The following SOSTDC1 variants were observed in gnomAD, a reference collection of about 807,000 sequenced individuals.
SOSTDC1 encodes the protein sclerostin domain containing 1, also known as sclerostin domain-containing protein 1.
A neutral mutation model predicts 15.1 loss-of-function variants in SOSTDC1; 7 were observed. That is an observed-to-expected ratio of 0.46 (90% confidence interval 0.26 to 0.87). The LOEUF (loss-of-function observed/expected upper bound fraction) is 0.87. Among genes scored for constraint, SOSTDC1 ranks in the 40% least tolerant of loss-of-function variants. SOSTDC1 has a pLI of 0.15. For missense variants in SOSTDC1, 242 were observed against 259.2 expected (o/e 0.93, Z 0.46); for synonymous variants, 94 against 93.2 (o/e 1.01, Z -0.05).
At chr7:16,463,445 T>C (rs893629120) in intron 1 of SOSTDC1, among the ~76,000 whole-genome samples, 2 of 152,310 alleles carry the variant, frequency 1.3e-5, no homozygotes, top group South Asian at 4.2e-4. Context: ...CATTTAAATA[T>C]TGTGTATAAT....
intron 1 of SOSTDC1, among the ~76,000 whole-genome samples, chr7:16,464,675 T>TCTCTCTCTCTCTC: frequency 6.6e-6 from 1 of 150,394 alleles, no homozygotes; most frequent in African/African-American, 2.5e-5. Context: ...TCTCTCTCTC[T>TCTCTCTCTCTCTC]TAAAACCTGA....
At position 16,465,735 on chromosome 7, in the gene SOSTDC1, CTG is replaced by C; in HGVS notation, c.-69_-68del. On this transcript the variant is annotated 5_prime_UTR_variant, in exon 1 of 2. Coordinates refer to ENST00000307068, the MANE Select transcript of SOSTDC1 (RefSeq NM_015464.3). ...TTTTGCTTCTGCTTCTGCACTGTAACTGTGAAATTCCTCCTCAAGCTTCCCTT... is the reference window on the plus strand; with the variant it reads ...TTTTGCTTCTGCTTCTGCACTGTAACTGAAATTCCTCCTCAAGCTTCCCTT... 1.2e-5 allele frequency: 17 copies of C among 1,408,304 alleles called. No individual in the cohort carries two copies. The highest frequency in any genetic ancestry group is 1.7e-5 in the Non-Finnish European group (17 of 1,005,044). The allele number at this position is 1,408,304 out of a possible 1,614,324, so 87.2% of individuals were successfully genotyped here.
Position 16,465,445 on chromosome 7 carries a change from A to C in SOSTDC1, c.205+19T>G. 1 of 1,601,896 alleles carries C rather than the reference A, an allele frequency of 6.2e-7. No homozygotes were observed. Among genetic ancestry groups the C allele is most frequent in the Non-Finnish European group, 8.5e-7 (1 of 1,170,892 alleles). ...ACCAGAAAAGAAAAAAAAAAACTGT[A>C]CAAGTAAAACACACTTACTGTTCCG... On this transcript the variant is annotated intron_variant, in intron 1 of 1. Coordinates refer to ENST00000307068, the MANE Select transcript of SOSTDC1 (RefSeq NM_015464.3).
In SOSTDC1 at chr7:16,465,633, G is replaced by C. The variant is rs1332547126; in HGVS notation, c.36C>G (p.Pro12=). ...AGCTTTTCATTAGGATGCATGCAAG[G>C]GGAAGGAGATAGAAATGAATGGCAG... ...LPPAIHFYLL[P]LACILMKSCL... is the part of the protein sequence containing the mutation. The change falls in exon 1 of 2, where the codon CCC becomes CCG. Residue 12 remains proline, a synonymous_variant. Coordinates refer to ENST00000307068, the MANE Select transcript of SOSTDC1 (RefSeq NM_015464.3). The C allele has an allele frequency of 1.2e-6, 2 of 1,613,984 alleles. No individual in the cohort carries two copies. Among genetic ancestry groups the C allele is most frequent in the Non-Finnish European group, 1.7e-6 (2 of 1,179,982 alleles).
chr7:16,463,581 C>T lies in SOSTDC1; in HGVS notation c.206-618G>A, dbSNP rs540074612. ...ATAACTATGTTTTAAACATAAATTC[C>T]CAAACTATCTTTTAAAAAATACAAA... On this transcript the variant is annotated intron_variant, in intron 1 of 1. Transcript: ENST00000307068. Among the ~76,000 whole-genome samples, 3 of 152,110 alleles carry T rather than the reference C, an allele frequency of 2.0e-5. No individual in the cohort carries two copies. In the South Asian group the frequency reaches 6.2e-4, roughly 32 times the overall value.
At chr7:16,465,340 C>A in intron 1 of SOSTDC1, 124 bp downstream of exon 1, 1 of 807,110 alleles carries the variant, frequency 1.2e-6, no homozygotes, top group Non-Finnish European at 2.0e-6. Context: ...CAGCAGATTA[C>A]TCCCAAATTG....
Position 16,465,542 on chromosome 7 carries a change from G to C in SOSTDC1, c.127C>G (p.His43Asp). Residue 43 changes from histidine to aspartate, a missense_variant, in exon 1 of 2, where the codon CAC (histidine) becomes GAC (aspartate). By Grantham distance (81) the His-to-Asp change is moderately conservative. Transcript: ENST00000307068. ...YSHVVKPVPA[H>D]PSSNSTLNQA... ...TTCAACGTGCTGTTGCTGCTGGGGT[G>C]TGCTGGAACAGGTTTAACCACATGT... 2 of 1,614,148 alleles carry C rather than the reference G, an allele frequency of 1.2e-6. No individual in the cohort carries two copies. The highest frequency in any genetic ancestry group is 1.7e-6 in the Non-Finnish European group (2 of 1,179,994).
Position 16,462,524 on chromosome 7 carries a change from A to C in SOSTDC1, c.*24T>G. The C allele has an allele frequency of 6.2e-7, 1 of 1,605,314 alleles. No individual in the cohort carries two copies. Among genetic ancestry groups the C allele is most frequent in the Non-Finnish European group, 8.5e-7 (1 of 1,172,880 alleles). On this transcript the variant is annotated 3_prime_UTR_variant, in exon 2 of 2. Coordinates refer to ENST00000307068, the MANE Select transcript of SOSTDC1 (RefSeq NM_015464.3). ...TCTGTAAAGCAGATGGTTACTAGTA[A>C]GTCTAGTTATGGGAGTCTGAGTTCT...
intron 1 of SOSTDC1, among the ~76,000 whole-genome samples, chr7:16,464,591 G>C (rs550083270): frequency 6.6e-6 from 1 of 152,048 alleles, no homozygotes; most frequent in Non-Finnish European, 1.5e-5. Context: ...ACTACTTTTC[G>C]TAGTTGAATG....
rs753212683 is a variant in SOSTDC1, at chr7:16,465,495, C to G, written c.174G>C (p.Arg58Ser). 2 of 1,614,064 alleles carry G rather than the reference C, an allele frequency of 1.2e-6. No individual in the cohort carries two copies. The highest frequency in any genetic ancestry group is 1.6e-4 in the Middle Eastern group (1 of 6,062). ...GATCCAGTCCAGTGTTACTGAAATG[C>G]CTGCCTCCATTTCTGGCTTGATTCA... ...STLNQARNGG[R>S]HFSNTGLDRN... The change falls in exon 1 of 2, where the codon AGG becomes AGC. Residue 58 changes from arginine to serine, a missense_variant. Transcript: ENST00000307068.
At chr7:16,464,669 TC>T (rs1781274693) in intron 1 of SOSTDC1, among the ~76,000 whole-genome samples, 1 of 152,064 alleles carries the variant, frequency 6.6e-6, no homozygotes, top group Non-Finnish European at 1.5e-5. Context: ...TCTCTCTCTC[TC>T]TCTCTTAAAA....
At chr7:16,464,652 T>TTC (rs72323066) in intron 1 of SOSTDC1, among the ~76,000 whole-genome samples, 139 of 150,322 alleles carry the variant, frequency 9.2e-4, no homozygotes, top group South Asian at 2.3e-3. Flanking sequence ...TGCGCAGTGT[T>TTC]TCTCTCTCTC....
At chr7:16,464,633 A>G (rs755270378) in intron 1 of SOSTDC1, among the ~76,000 whole-genome samples, 1 of 147,980 alleles carries the variant, frequency 6.8e-6, no homozygotes, top group Non-Finnish European at 1.5e-5. Flanking sequence ...AGATTTGTGT[A>G]AGATTTCCTG....
chr7:16,463,045 T>C, intron 1 of SOSTDC1, 82 bp from the exon 2 acceptor site: 2 of 1,374,518 alleles, frequency 1.5e-6, no homozygotes, highest in Non-Finnish European at 1.9e-6. Context: ...ATGACAAAAA[T>C]AATAGGCAAA....
chr7:16,465,161 T>A (rs919719871), intron 1 of SOSTDC1, among the ~76,000 whole-genome samples: 1 of 152,232 alleles, frequency 6.6e-6, no homozygotes, highest in African/African-American at 2.4e-5. Flanking sequence ...CAATACTTTT[T>A]AAAATGGTCA....
chr7:16,464,716 A>G (rs1005093905), intron 1 of SOSTDC1, among the ~76,000 whole-genome samples: 1 of 152,122 alleles, frequency 6.6e-6, no homozygotes, highest in Non-Finnish European at 1.5e-5. Flanking sequence ...CTAAAGGAAA[A>G]GATAGAAACA....
chr7:16,462,888 G>A lies in SOSTDC1; in HGVS notation c.281C>T (p.Pro94Leu). The A allele has an allele frequency of 6.2e-7, 1 of 1,613,850 alleles. No homozygotes were observed. Among genetic ancestry groups the A allele is most frequent in the South Asian group, 1.1e-5 (1 of 91,064 alleles). The change falls in exon 2 of 2, where the codon CCT becomes CTT. Residue 94 changes from proline (P) to leucine (L), a missense_variant. Transcript: ENST00000307068. ...ISDGQCTSIS[P>L]LKELVCAGEC... ...GCCAGCACACACCAGCTCCTTCAGA[G>A]GGCTGATGCTGGTGCACTGGCCATC...
rs546633720 is a variant in SOSTDC1 at position 16,461,773 on chromosome 7, A to G, written c.*775T>C. On this transcript the variant is annotated 3_prime_UTR_variant, in exon 2 of 2. Coordinates refer to ENST00000307068, the MANE Select transcript of SOSTDC1 (RefSeq NM_015464.3). ...CTACAACATGTATTTCATATTTCTA[A>G]TCAACCACAAATCATATAGGAAAAT... The G allele has an allele frequency of 1.3e-5, 2 of 152,780 alleles. No individual in the cohort carries two copies. The highest frequency in any genetic ancestry group is 4.1e-4 in the South Asian group (2 of 4,826). The allele number at this position is 152,780 out of a possible 1,614,324, so 9.5% of individuals were successfully genotyped here.
In SOSTDC1 at chr7:16,465,227, G is replaced by A. The variant is rs559733861; in HGVS notation, c.205+237C>T. On this transcript the variant is annotated intron_variant, in intron 1 of 1. Coordinates refer to ENST00000307068, the MANE Select transcript of SOSTDC1 (RefSeq NM_015464.3). Reference sequence around the variant, plus strand: ...AATTCCTGGAAATGTTTTCTTTGTGGATGTTTGATAAAACTTCAGTCTGTG... The same window carrying A: ...AATTCCTGGAAATGTTTTCTTTGTGAATGTTTGATAAAACTTCAGTCTGTG... Among the ~76,000 whole-genome samples, 4 of 152,188 alleles carry A rather than the reference G, an allele frequency of 2.6e-5. No individual in the cohort carries two copies. The South Asian group carries it at 8.3e-4, about 32-fold the overall frequency.
Sources: gnomAD v4.1 joint callset for allele counts (sites outside exome capture counted in the v4.1 genomes callset) on GRCh38, gnomAD v4.1.1 for gene constraint, MANE v1.5 for transcripts, NCBI Gene and HGNC (gene_info 2026-07-23, HGNC 2026-07-21) for gene names.